LRRC34: variants seen among roughly 807,000 people sequenced by gnomAD.
LRRC34 encodes the protein leucine rich repeat containing 34.
Under a neutral mutation model 48.5 loss-of-function variants are expected in LRRC34, and 44 were observed. The observed-to-expected ratio is 0.91, with a 90% CI of 0.71 to 1.17. The LOEUF (loss-of-function observed/expected upper bound fraction) is 1.17, where lower values mean the gene tolerates loss of function less well. Among genes scored for constraint, LRRC34 ranks in the 50% most tolerant of loss-of-function variants. The pLI, the probability that LRRC34 is intolerant of heterozygous loss-of-function variation, is 0.00. For synonymous variants in LRRC34, 192 were observed against 197.6 expected (o/e 0.97, Z 0.24); for missense variants, 502 against 563.0 (o/e 0.89, Z 1.10).
At chr3:169,803,002 C>G (rs1445858846) in intron 6 of LRRC34, among the ~76,000 whole-genome samples, 1 of 151,712 alleles carries the variant, frequency 6.6e-6, no homozygotes, top group Non-Finnish European at 1.5e-5. Flanking sequence ...GTTAATCCTT[C>G]AGAATCTATT....
At position 169,812,716 on chromosome 3, in the gene LRRC34, G is replaced by T; in HGVS notation, c.-168C>A. ...GGAGGTCCTTTGTCACCCTGCCCTGGTTAAAGGCAGCCTGAGGGAGGGCGT... is the reference window on the plus strand; with the variant it reads ...GGAGGTCCTTTGTCACCCTGCCCTGTTTAAAGGCAGCCTGAGGGAGGGCGT... On this transcript the variant is annotated 5_prime_UTR_variant, in exon 1 of 11. Transcript: ENST00000446859. The surrounding 1 kb of genome is among the most constrained non-coding windows in gnomAD (Gnocchi z 4.3). 1 of 1,041,032 alleles carries T rather than the reference G, an allele frequency of 9.6e-7. No individual in the cohort carries two copies. The allele number at this position is 1,041,032 out of a possible 1,614,324, so 64.5% of individuals were successfully genotyped here.
chr3:169,810,032 C>T (rs1779507622), intron 1 of LRRC34, among the ~76,000 whole-genome samples: 1 of 150,078 alleles, frequency 6.7e-6, no homozygotes, highest in East Asian at 2.0e-4. Flanking sequence ...TCTCGGCTCA[C>T]TGCAACCTCT....
chr3:169,807,533 T>C, intron 3 of LRRC34, 43 bp from the exon 4 acceptor site: 2 of 1,612,532 alleles, frequency 1.2e-6, no homozygotes, highest in Non-Finnish European at 1.7e-6. Flanking sequence ...TTATAAAGAA[T>C]ACTTAAAATC....
At chr3:169,797,982 T>G (rs976105781) in intron 7 of LRRC34, among the ~76,000 whole-genome samples, 9 of 152,218 alleles carry the variant, frequency 5.9e-5, no homozygotes, top group African/African-American at 2.2e-4. Flanking sequence ...TGTTCAATAT[T>G]CTGTAATTCT....
chr3:169,804,222 C>T, intron 5 of LRRC34, 41 bp from the exon 6 acceptor site: 4 of 1,499,738 alleles, frequency 2.7e-6, no homozygotes, highest in Admixed American at 2.0e-5. Flanking sequence ...TGTTAATCCA[C>T]AGAATTCTAT....
chr3:169,795,405 A>G lies in LRRC34; in HGVS notation c.1191+80T>C, dbSNP rs1262071050. 6 of 1,423,098 alleles carry G rather than the reference A, an allele frequency of 4.2e-6. No individual in the cohort carries two copies. In the African/African-American group the frequency reaches 8.6e-5, roughly 20 times the overall value. 88.2% of individuals were successfully genotyped at this position (1,423,098 alleles called of 1,614,324 possible). A position where few individuals can be genotyped will look rare whatever the true frequency, so the allele number is the denominator to read the frequency against. The stretch of plus-strand genomic sequence containing the variant: ...GTGTCTCACTGTGTAACCATTTCTG[A>G]GGCACCTGTAAATAATATCTGATGT... On this transcript the variant is annotated intron_variant, in intron 10 of 10. Transcript: ENST00000446859.
intron 5 of LRRC34, among the ~76,000 whole-genome samples, chr3:169,804,875 C>CA (rs1301934974): frequency 1.3e-4 from 20 of 152,174 alleles, no homozygotes; most frequent in Non-Finnish European, 2.6e-4. Context: ...CAATATTGCA[C>CA]AGTCATCACC....
rs1387283597 is a variant in LRRC34, at chr3:169,796,800, GTTGT to G, written c.849_852del (p.Gln284SerfsTer8). On this transcript the variant is annotated frameshift_variant, in exon 8 of 11. Coordinates refer to ENST00000446859, the MANE Select transcript of LRRC34 (RefSeq NM_001172779.2). LOFTEE classifies it high-confidence loss of function. ...TTCAGATACAGTGCATCACATAACT[GTTGT>G]ATACCACTGTTTTTTATATCATGCT... 6.2e-7 allele frequency: 1 copy of G among 1,611,292 alleles called. No homozygotes were observed. The highest frequency in any genetic ancestry group is 1.3e-5 in the African/African-American group (1 of 74,848).
chr3:169,807,723 A>AAC lies in LRRC34; in HGVS notation c.258-15_258-14insGT. On this transcript the variant is annotated splice_polypyrimidine_tract_variant and intron_variant, in intron 2 of 10. Coordinates refer to ENST00000446859, the MANE Select transcript of LRRC34 (RefSeq NM_001172779.2). ...CCTGCTGCTAGCCTGTTAAAATACAAAAAAAAAAAAAAAAAAAAAAGATTT... is the reference window on the plus strand; with the variant it reads ...CCTGCTGCTAGCCTGTTAAAATACAAACAAAAAAAAAAAAAAAAAAAAGATTT... 1 of 935,644 alleles carries AAC rather than the reference A, an allele frequency of 1.1e-6. No homozygotes were observed. Among genetic ancestry groups the AAC allele is most frequent in the South Asian group, 1.7e-5 (1 of 59,990 alleles). 58.0% of individuals were successfully genotyped at this position (935,644 alleles called of 1,614,324 possible).
Position 169,793,600 on chromosome 3 carries a change from G to A in LRRC34, c.*35C>T. ...AATATTAATCTCTGTGAAACAATAA[G>A]ACAAGTGTATGAAAATTATTTTACA... On this transcript the variant is annotated 3_prime_UTR_variant, in exon 11 of 11. Coordinates refer to ENST00000446859, the MANE Select transcript of LRRC34 (RefSeq NM_001172779.2). 1 of 1,442,782 alleles carries A rather than the reference G, an allele frequency of 6.9e-7. No homozygotes were observed. The highest frequency in any genetic ancestry group is 9.7e-7 in the Non-Finnish European group (1 of 1,031,778). The allele number at this position is 1,442,782 out of a possible 1,614,324, so 89.4% of individuals were successfully genotyped here. A position where few individuals can be genotyped will look rare whatever the true frequency, so the allele number is the denominator to read the frequency against.
At position 169,807,721 on chromosome 3, in the gene LRRC34, CA is replaced by C. The variant is rs377198673; in HGVS notation, c.258-13del. 0.19 allele frequency: 156,468 copies of C among 844,678 alleles called. 225 individuals are homozygous for C. Among genetic ancestry groups the C allele is most frequent in the African/African-American group, 0.25 (8,601 of 34,194 alleles). The allele number at this position is 844,678 out of a possible 1,614,324, so 52.3% of individuals were successfully genotyped here. ...TTCCTGCTGCTAGCCTGTTAAAATACAAAAAAAAAAAAAAAAAAAAAAGATT... is the reference window on the plus strand; with the variant it reads ...TTCCTGCTGCTAGCCTGTTAAAATACAAAAAAAAAAAAAAAAAAAAAGATT... On this transcript the variant is annotated splice_polypyrimidine_tract_variant and intron_variant, in intron 2 of 10. Transcript: ENST00000446859.
At chr3:169,800,946 A>G (rs548546489) in intron 6 of LRRC34, among the ~76,000 whole-genome samples, 192 bp from the exon 7 acceptor site, 4 of 152,248 alleles carry the variant, frequency 2.6e-5, no homozygotes, top group Non-Finnish European at 5.9e-5. Flanking sequence ...TGGCCCTAAA[A>G]TCTATCTAAA....
intron 4 of LRRC34, 75 bp from the exon 5 acceptor site, chr3:169,807,006 T>C (rs1779399489): frequency 1.3e-6 from 1 of 777,626 alleles, no homozygotes. Context: ...TATATACATA[T>C]ACACATACAG....
rs1779602805 is a variant in LRRC34 at position 169,812,156 on chromosome 3, G to C, written c.139+254C>G. The stretch of plus-strand genomic sequence containing the variant: ...CATCTGCACAACCTATCGCGCAAAG[G>C]GCGGACCCACGGGAACTCCTCTCCG... On this transcript the variant is annotated intron_variant, in intron 1 of 10. Transcript: ENST00000446859. This position sits in a 1 kb window ranked among gnomAD's most constrained non-coding sequence, Gnocchi z 4.3. Among the ~76,000 whole-genome samples, 1 of 151,686 alleles carries C rather than the reference G, an allele frequency of 6.6e-6. No homozygotes were observed. Among genetic ancestry groups the C allele is most frequent in the Non-Finnish European group, 1.5e-5 (1 of 67,866 alleles).
chr3:169,807,004 T>C (rs1779399300), intron 4 of LRRC34, 73 bp from the exon 5 acceptor site: 4 of 794,556 alleles, frequency 5.0e-6, no homozygotes, highest in African/African-American at 1.7e-5. Flanking sequence ...TGTATATACA[T>C]ATACACATAC....
At position 169,807,470 on chromosome 3, in the gene LRRC34, G is replaced by C; in HGVS notation, c.400C>G (p.Leu134Val). 6.2e-7 allele frequency: 1 copy of C among 1,613,872 alleles called. No homozygotes were observed. Among genetic ancestry groups the C allele is most frequent in the Non-Finnish European group, 8.5e-7 (1 of 1,179,918 alleles). ...YINGLDVGYNLLCDVGAYYAA... is the reference protein window; with the variant it reads ...YINGLDVGYNVLCDVGAYYAA... ...TAGTATGCACCAACATCACATAGAA[G>C]GTTATATCCAACATCCAAACCTGAA... Residue 134 changes from leucine to valine, a missense_variant, in exon 4 of 11, where the codon CTT becomes GTT. Leu to Val is a conservative substitution (Grantham distance 32, BLOSUM62 1). Coordinates refer to ENST00000446859, the MANE Select transcript of LRRC34 (RefSeq NM_001172779.2).
At chr3:169,795,961 A>C in intron 9 of LRRC34, 1 of 1,195,724 alleles carries the variant, frequency 8.4e-7, no homozygotes, top group Non-Finnish European at 1.0e-6. Context: ...TTTCTATTAG[A>C]ATTCAGGATA....
intron 7 of LRRC34, among the ~76,000 whole-genome samples, chr3:169,799,507 T>C (rs1181293197): frequency 6.6e-6 from 1 of 151,628 alleles, no homozygotes; most frequent in Non-Finnish European, 1.5e-5. Flanking sequence ...TACAAAAAAA[T>C]TTAGGTGGGC....
At chr3:169,801,184 C>T (rs561466208) in intron 6 of LRRC34, among the ~76,000 whole-genome samples, 1 of 152,166 alleles carries the variant, frequency 6.6e-6, no homozygotes, top group African/African-American at 2.4e-5. Context: ...ATCCCATAGG[C>T]CTCTCTTGCT....
Sources: allele counts gnomAD v4.1 joint callset (sites outside exome capture counted in the v4.1 genomes callset), GRCh38; gene constraint gnomAD v4.1.1; non-coding constraint Gnocchi (gnomAD v3.1); transcripts MANE v1.5; gene names NCBI Gene and HGNC (gene_info 2026-07-23, HGNC 2026-07-21).